Variants in MOB4 observed in about 807,000 individuals in gnomAD.
The protein encoded by MOB4 is MOB family member 4, phocein, also known as MOB-like protein phocein.
MOB4 carries 4 observed loss-of-function variants against 32.2 expected under a neutral mutation model. The observed-to-expected ratio is 0.12, with a 90% confidence interval of 0.06 to 0.28. The LOEUF is 0.28. Among genes scored for constraint, MOB4 ranks in the 10% least tolerant of loss-of-function variants. MOB4 has a pLI of 1.00. For synonymous variants in MOB4, 88 were observed against 88.1 expected, an observed-to-expected ratio of 1.00 and a Z score of 0.01; for missense variants, 158 against 271.2, an observed-to-expected ratio of 0.58 and a Z score of 2.93.
intron 6 of MOB4, among the ~76,000 whole-genome samples, chr2:197,549,858 C>CT (rs1442877668): frequency 1.9e-5 from 2 of 103,356 alleles, no homozygotes; most frequent in East Asian, 5.6e-4. Flanking sequence ...GCCTTAATTT[C>CT]TAAAAAAAAA....
intron 3 of MOB4, among the ~76,000 whole-genome samples, chr2:197,539,057 G>C (rs571366938): frequency 1.3e-5 from 2 of 151,888 alleles, no homozygotes; most frequent in South Asian, 4.2e-4. Context: ...CTTTTTTGGG[G>C]GGATTTTTTT....
At chr2:197,528,685 T>G (rs1054383732) in intron 2 of MOB4, among the ~76,000 whole-genome samples, 42 of 150,146 alleles carry the variant, frequency 2.8e-4, no homozygotes, top group Admixed American at 4.7e-4. Flanking sequence ...GCACAATCTC[T>G]GCTCACTGCA....
chr2:197,542,192 A>C (rs1356421089), intron 5 of MOB4, among the ~76,000 whole-genome samples: 1 of 152,198 alleles, frequency 6.6e-6, no homozygotes, highest in Non-Finnish European at 1.5e-5. Flanking sequence ...TCTCATATCC[A>C]CTTCTTTCTT....
intron 5 of MOB4, among the ~76,000 whole-genome samples, chr2:197,546,773 A>G (rs1328658215): frequency 6.6e-6 from 1 of 152,236 alleles, no homozygotes; most frequent in African/African-American, 2.4e-5. Context: ...TTGGGATCCC[A>G]ACCCTCTGTG....
At chr2:197,535,468 C>A (rs980407389) in intron 2 of MOB4, 62 bp from the exon 3 acceptor site, 2 of 1,479,736 alleles carry the variant, frequency 1.4e-6, no homozygotes, top group East Asian at 2.3e-5. Flanking sequence ...ATTATATGTA[C>A]TTAACATAAG....
chr2:197,541,157 T>A (rs2086889856), intron 5 of MOB4, among the ~76,000 whole-genome samples: 1 of 152,138 alleles, frequency 6.6e-6, no homozygotes. Flanking sequence ...CACCTCAGTC[T>A]CCCAAAGTGC....
At chr2:197,515,954 C>A, upstream of MOB4, 1 of 917,980 alleles carries the variant, frequency 1.1e-6, no homozygotes, top group East Asian at 3.1e-5. Flanking sequence ...GGACGGCTCC[C>A]GGCGCAGGCT....
At chr2:197,548,446 C>G in intron 6 of MOB4, 31 bp downstream of exon 6, 1 of 1,227,592 alleles carries the variant, frequency 8.1e-7, no homozygotes, top group Non-Finnish European at 1.1e-6. Flanking sequence ...TAGTGTTAAA[C>G]ATTTTAGAGT....
At chr2:197,518,333 G>T (rs553687608) in intron 1 of MOB4, among the ~76,000 whole-genome samples, 3 of 151,494 alleles carry the variant, frequency 2.0e-5, no homozygotes, top group African/African-American at 7.3e-5. Flanking sequence ...GCAATGGTGC[G>T]ATCTCGGCTC....
At chr2:197,530,292 A>G (rs1452754375) in intron 2 of MOB4, among the ~76,000 whole-genome samples, 1 of 144,888 alleles carries the variant, frequency 6.9e-6, no homozygotes, top group Admixed American at 6.9e-5. Flanking sequence ...TTTTTGAGAC[A>G]GGGTCTCACT....
rs971955388 is a variant in MOB4 at position 197,523,008 on chromosome 2, A to AAAT, written c.61-602_61-600dup. Among the ~76,000 whole-genome samples, 20 of 151,678 alleles carry AAAT rather than the reference A, an allele frequency of 1.3e-4. 1 individual carries two copies. Among genetic ancestry groups the AAAT allele is most frequent in the African/African-American group, 4.8e-4 (20 of 41,336 alleles). On this transcript the variant is annotated intron_variant, in intron 1 of 7. Transcript: ENST00000323303. ...CCAGCCTGGCGACAGAGTGGTCTCA[A>AAAT]AATAATAATAATAATATTAATAATA...
At chr2:197,532,216 C>T (rs1419236731) in intron 2 of MOB4, among the ~76,000 whole-genome samples, 1 of 152,084 alleles carries the variant, frequency 6.6e-6, no homozygotes, top group African/African-American at 2.4e-5. Context: ...GCCAAAATGG[C>T]ATTTTTGTTT....
chr2:197,540,353 T>C lies in MOB4; in HGVS notation c.270T>C (p.Ser90=). 2 of 1,570,932 alleles carry C rather than the reference T, an allele frequency of 1.3e-6. No homozygotes were observed. Among genetic ancestry groups the C allele is most frequent in the East Asian group, 2.3e-5 (1 of 43,960 alleles). ...AGAAATATAATTATTTTTAACAGAGTGAATGCCATCCAGATACTTGCACTC... is the reference window on the plus strand; with the variant it reads ...AGAAATATAATTATTTTTAACAGAGCGAATGCCATCCAGATACTTGCACTC... ...ELNGLAVKLQ[S]ECHPDTCTQM... is the part of the protein sequence containing the mutation. The change falls in exon 5 of 8, where the codon AGT becomes AGC. Residue 90 remains serine (S), a splice_region_variant and synonymous_variant. Transcript: ENST00000323303.
chr2:197,553,157 G>T lies in MOB4; in HGVS notation c.*2511G>T, dbSNP rs991964978. Reference sequence around the variant, plus strand: ...GAATACAATTAGAAATCCTTGGTCAGGCACAGGGGCTCACGCCTGTAATCC... The same window carrying T: ...GAATACAATTAGAAATCCTTGGTCATGCACAGGGGCTCACGCCTGTAATCC... On this transcript the variant is annotated 3_prime_UTR_variant, in exon 8 of 8. Transcript: ENST00000323303. 4 of 152,192 alleles carry T rather than the reference G, an allele frequency of 2.6e-5. No individual in the cohort carries two copies. The highest frequency in any genetic ancestry group is 9.7e-5 in the African/African-American group (4 of 41,436). The allele number at this position is 152,192 out of a possible 1,614,324, so 9.4% of individuals were successfully genotyped here. A position where few individuals can be genotyped will look rare whatever the true frequency, so the allele number is the denominator to read the frequency against.
chr2:197,517,637 T>C (rs965387012), intron 1 of MOB4, among the ~76,000 whole-genome samples: 64 of 152,242 alleles, frequency 4.2e-4, no homozygotes, highest in African/African-American at 1.5e-3. Flanking sequence ...AGAAAACTTA[T>C]TGTCTTTTTT....
Position 197,550,784 on chromosome 2 carries a change from A to G in MOB4, c.*138A>G. 1 of 1,072,088 alleles carries G rather than the reference A, an allele frequency of 9.3e-7. No individual in the cohort carries two copies. Among genetic ancestry groups the G allele is most frequent in the Non-Finnish European group, 1.2e-6 (1 of 808,042 alleles). 66.4% of individuals were successfully genotyped at this position (1,072,088 alleles called of 1,614,324 possible). Reference sequence around the variant, plus strand: ...TTTTTGTATGCTGGGTTTGCCTTTTAAAATGGGAAATACTTTTTAAGTTAT... The same window carrying G: ...TTTTTGTATGCTGGGTTTGCCTTTTGAAATGGGAAATACTTTTTAAGTTAT... On this transcript the variant is annotated 3_prime_UTR_variant, in exon 8 of 8. Transcript: ENST00000323303.
chr2:197,535,515 C>A lies in MOB4; in HGVS notation c.124-15C>A, dbSNP rs769780307. On this transcript the variant is annotated splice_polypyrimidine_tract_variant and intron_variant, in intron 2 of 7. Coordinates refer to ENST00000323303, the MANE Select transcript of MOB4 (RefSeq NM_015387.5). The stretch of plus-strand genomic sequence containing the variant: ...GATATAATTTAATTAACCATAAGAA[C>A]TTCTTTGTTTTTAGTATATTCAACA... 12 of 1,577,238 alleles carry A rather than the reference C, an allele frequency of 7.6e-6. No homozygotes were observed. Among genetic ancestry groups the A allele is most frequent in the Non-Finnish European group, 1.0e-5 (12 of 1,166,568 alleles).
At chr2:197,543,137 C>CA (rs1208119185) in intron 5 of MOB4, among the ~76,000 whole-genome samples, 3 of 152,038 alleles carry the variant, frequency 2.0e-5, no homozygotes, top group Non-Finnish European at 4.4e-5. Flanking sequence ...ACTAAAAATA[C>CA]AAAAAATTAG....
At chr2:197,547,546 C>CCACG (rs1442731697) in intron 5 of MOB4, among the ~76,000 whole-genome samples, 1 of 152,092 alleles carries the variant, frequency 6.6e-6, no homozygotes, top group Non-Finnish European at 1.5e-5. Context: ...TTTTTTAGTG[C>CCACG]CACGGCACTA....
Sources: allele counts gnomAD v4.1 joint callset (sites outside exome capture counted in the v4.1 genomes callset), GRCh38; gene constraint gnomAD v4.1.1; transcripts MANE v1.5; gene names NCBI Gene and HGNC (gene_info 2026-07-23, HGNC 2026-07-21).